PACRG: variants seen among roughly 807,000 people sequenced by gnomAD.
PACRG encodes parkin coregulated gene protein.
A neutral mutation model predicts 29.7 loss-of-function variants in PACRG; 29 were observed. The observed-to-expected ratio is 0.98, with a 90% confidence interval of 0.73 to 1.33. The LOEUF (loss-of-function observed/expected upper bound fraction) is 1.33, where lower values mean the gene tolerates loss of function less well. Ranked by LOEUF, PACRG falls within the 40% of genes most tolerant of loss-of-function variation. PACRG has a pLI of 0.00. For missense variants in PACRG, 279 were observed against 316.2 expected (o/e 0.88, Z 0.89); for synonymous variants, 116 against 118.7 (o/e 0.98, Z 0.15).
At chr6:163,108,957 T>G (rs1230920424) in intron 4 of PACRG, among the ~76,000 whole-genome samples, 1 of 152,200 alleles carries the variant, frequency 6.6e-6, no homozygotes, top group African/African-American at 2.4e-5. Flanking sequence ...AGTCGCTTGT[T>G]TCTTCAGGAT....
chr6:162,810,363 A>G (rs1025083420), intron 1 of PACRG, among the ~76,000 whole-genome samples: 2 of 152,216 alleles, frequency 1.3e-5, no homozygotes, highest in Admixed American at 6.5e-5. Context: ...AGATCTCATA[A>G]TATAATGTAT....
chr6:163,221,986 A>G (rs1327686985), intron 4 of PACRG, among the ~76,000 whole-genome samples: 1 of 152,206 alleles, frequency 6.6e-6, no homozygotes, highest in Non-Finnish European at 1.5e-5. Flanking sequence ...CTGCACCCTG[A>G]TCACCTGGCG....
intron 4 of PACRG, among the ~76,000 whole-genome samples, chr6:163,260,768 A>G (rs1783292722): frequency 6.6e-6 from 1 of 152,096 alleles, no homozygotes; most frequent in African/African-American, 2.4e-5. Context: ...TAGCAGCTGA[A>G]TTTAAAATAC....
At chr6:162,775,046 C>A (rs1783535704) in intron 1 of PACRG, among the ~76,000 whole-genome samples, 1 of 152,098 alleles carries the variant, frequency 6.6e-6, no homozygotes, top group South Asian at 2.1e-4. Context: ...AAAGGTGCGG[C>A]CTTGGAGAGG....
At position 163,019,173 on chromosome 6, in the gene PACRG, T is replaced by A. The variant is rs1806372417; in HGVS notation, c.292-42977T>A. The stretch of plus-strand genomic sequence containing the variant: ...TTGTCTGTAGAGACATTATGATATT[T>A]CTTATTCTCTCCTTTTTAAAATAAT... On this transcript the variant is annotated intron_variant, in intron 2 of 4. Transcript: ENST00000366888. Among the ~76,000 whole-genome samples the A allele has an allele frequency of 2.0e-5, 3 of 152,200 alleles. 1 individual carries two copies. The South Asian group carries it at 6.2e-4, about 31-fold the overall frequency.
At chr6:162,958,952 C>T (rs1800376294) in intron 2 of PACRG, among the ~76,000 whole-genome samples, 1 of 141,700 alleles carries the variant, frequency 7.1e-6, no homozygotes, top group South Asian at 2.3e-4. Context: ...AAATCTCACT[C>T]CATCACCCAG....
At chr6:163,103,517 A>G (rs1443754781) in intron 4 of PACRG, among the ~76,000 whole-genome samples, 1 of 151,568 alleles carries the variant, frequency 6.6e-6, no homozygotes, top group African/African-American at 2.4e-5. Flanking sequence ...ACTTTGTTCC[A>G]CTTTTTTTTT....
chr6:163,252,080 T>C (rs983106386), intron 4 of PACRG, among the ~76,000 whole-genome samples: 1 of 152,220 alleles, frequency 6.6e-6, no homozygotes, highest in African/African-American at 2.4e-5. Context: ...TGTTGCCTTT[T>C]GTGTTGCTTA....
chr6:163,297,660 A>G (rs1258997578), intron 4 of PACRG, among the ~76,000 whole-genome samples: 1 of 152,212 alleles, frequency 6.6e-6, no homozygotes, highest in Admixed American at 6.5e-5. Flanking sequence ...TACATTGAAC[A>G]AATTCACACT....
At chr6:162,974,323 A>C (rs1801774844) in intron 2 of PACRG, among the ~76,000 whole-genome samples, 1 of 152,234 alleles carries the variant, frequency 6.6e-6, no homozygotes, top group African/African-American at 2.4e-5. Context: ...ACGAAAATTC[A>C]AGATGTAATG....
chr6:162,883,712 G>GTGTGTGTGTGTA (rs148140118), intron 2 of PACRG, among the ~76,000 whole-genome samples: 19,013 of 149,380 alleles, frequency 0.13, 1,424 homozygotes, highest in Middle Eastern at 0.19. Context: ...GTGTGTGTGT[G>GTGTGTGTGTGTA]TGTATGTATG....
chr6:162,765,113 G>C (rs1018546460), intron 1 of PACRG, among the ~76,000 whole-genome samples: 1 of 151,710 alleles, frequency 6.6e-6, no homozygotes. Flanking sequence ...TCATCATCTT[G>C]TTCTCTCTAC....
chr6:163,175,774 G>GAGGAGA (rs1779322358), intron 4 of PACRG, among the ~76,000 whole-genome samples: 2 of 151,408 alleles, frequency 1.3e-5, no homozygotes, highest in African/African-American at 2.4e-5. Context: ...GGAGGAGGAG[G>GAGGAGA]AGGAGGAGCT....
intron 4 of PACRG, among the ~76,000 whole-genome samples, chr6:163,295,570 A>G (rs1412276985): frequency 6.6e-6 from 1 of 152,204 alleles, no homozygotes; most frequent in Non-Finnish European, 1.5e-5. Context: ...AGAAAGTAAC[A>G]TTTTTTAGCA....
chr6:162,871,934 A>G (rs1792852941), intron 2 of PACRG, among the ~76,000 whole-genome samples: 1 of 152,054 alleles, frequency 6.6e-6, no homozygotes, highest in African/African-American at 2.4e-5. Flanking sequence ...AACAAAAACA[A>G]AAACAAAACA....
chr6:163,225,508 T>A (rs1260746155), intron 4 of PACRG, among the ~76,000 whole-genome samples: 1 of 152,184 alleles, frequency 6.6e-6, no homozygotes, highest in Admixed American at 6.5e-5. Context: ...CTTTATACAT[T>A]ACCCAGTCTC....
At chr6:162,805,412 T>TA (rs1395534806) in intron 1 of PACRG, among the ~76,000 whole-genome samples, 1 of 152,198 alleles carries the variant, frequency 6.6e-6, no homozygotes, top group African/African-American at 2.4e-5. Flanking sequence ...CAGTGAGTCT[T>TA]AGTCTTTTTG....
intron 4 of PACRG, among the ~76,000 whole-genome samples, chr6:163,202,187 G>A (rs144717591): frequency 1.8e-3 from 268 of 152,196 alleles, no homozygotes; most frequent in African/African-American, 6.1e-3. Context: ...GAGGGAAACT[G>A]GTGCTTCCGT....
At chr6:163,214,002 T>A (rs1781261966) in intron 4 of PACRG, among the ~76,000 whole-genome samples, 1 of 152,208 alleles carries the variant, frequency 6.6e-6, no homozygotes, top group Non-Finnish European at 1.5e-5. Flanking sequence ...AATTCTACTT[T>A]ATTTTGATCT....
Sources: allele counts gnomAD v4.1 joint callset (sites outside exome capture counted in the v4.1 genomes callset), GRCh38; gene constraint gnomAD v4.1.1; transcripts MANE v1.5; gene names NCBI Gene and HGNC (gene_info 2026-07-23, HGNC 2026-07-21).